The following ZBTB44 variants were observed in gnomAD, a reference collection of about 807,000 sequenced individuals.
ZBTB44 encodes the protein zinc finger and BTB domain-containing protein 44.
A neutral mutation model predicts 54.0 loss-of-function variants in ZBTB44; 15 were observed. The observed-to-expected ratio is 0.28, with a 90% CI of 0.19 to 0.43. The LOEUF (loss-of-function observed/expected upper bound fraction) is 0.43. ZBTB44 is among the 20% of genes least tolerant of loss of function. ZBTB44 has a pLI of 1.00. For missense variants in ZBTB44, 487 were observed against 707.1 expected, an observed-to-expected ratio of 0.69 and a Z score of 3.53; for synonymous variants, 230 against 250.1, an observed-to-expected ratio of 0.92 and a Z score of 0.76.
At chr11:130,238,400 T>C (rs773379376) in intron 4 of ZBTB44, 44 bp downstream of exon 4, 1 of 1,531,482 alleles carries the variant, frequency 6.5e-7, no homozygotes, top group East Asian at 2.4e-5. Context: ...AAATAAAATG[T>C]TTTAGAGCGT....
intron 2 of ZBTB44, among the ~76,000 whole-genome samples, chr11:130,248,754 G>T (rs1032922499): frequency 3.9e-5 from 6 of 152,074 alleles, no homozygotes; most frequent in Admixed American, 3.9e-4. Flanking sequence ...TAATATATAG[G>T]TAACAGATTC....
intron 1 of ZBTB44, among the ~76,000 whole-genome samples, chr11:130,302,213 G>A (rs1279799528): frequency 6.6e-6 from 1 of 152,072 alleles, no homozygotes; most frequent in Non-Finnish European, 1.5e-5. Context: ...TCATTTACCA[G>A]TGAGGAAAAG....
intron 1 of ZBTB44, chr11:130,296,864 T>C: frequency 2.7e-6 from 2 of 735,510 alleles, no homozygotes; most frequent in Non-Finnish European, 5.1e-6. Context: ...TAAATTTGCC[T>C]CAAGTTGCTC....
intron 7 of ZBTB44, 131 bp downstream of exon 7, chr11:130,233,177 T>C (rs1338764888): frequency 1.4e-5 from 17 of 1,234,130 alleles, no homozygotes; most frequent in Non-Finnish European, 1.8e-5. Flanking sequence ...AGAGAACATA[T>C]TGATGGGGCA....
rs140868332 is a variant in ZBTB44, at chr11:130,273,127, G to A, written c.-56-11198C>T. On this transcript the variant is annotated intron_variant, in intron 1 of 7. Transcript: ENST00000357899. ...GGAACTGCATTGAATTTATAGATTAGTTTGGAGAATACTGCTATCTTTACA... is the reference window on the plus strand; with the variant it reads ...GGAACTGCATTGAATTTATAGATTAATTTGGAGAATACTGCTATCTTTACA... Among the ~76,000 whole-genome samples the A allele has an allele frequency of 1.2e-3, 176 of 152,188 alleles. 1 individual carries two copies. The highest frequency in any genetic ancestry group is 4.1e-3 in the African/African-American group (170 of 41,520).
At chr11:130,263,187 C>T (rs1310063102) in intron 1 of ZBTB44, among the ~76,000 whole-genome samples, 1 of 152,186 alleles carries the variant, frequency 6.6e-6, no homozygotes. Context: ...GGTAAAGCTA[C>T]TGAAATAATT....
Position 130,256,998 on chromosome 11 carries a change from A to G in ZBTB44, c.1018+3858T>C, listed in dbSNP as rs150090493. 2.4e-3 allele frequency among the ~76,000 whole-genome samples: 368 copies of G among 152,200 alleles called. 2 individuals carry two copies. The Middle Eastern group carries it at 0.027, about 11-fold the overall frequency. On this transcript the variant is annotated intron_variant, in intron 2 of 7. Coordinates refer to ENST00000357899, the MANE Select transcript of ZBTB44 (RefSeq NM_001301098.2). ...AAGGTCAAATTGTCTCTGTTTGCAG[A>G]TGACATAATTGTATATTTAGAAAAC...
intron 1 of ZBTB44, chr11:130,285,981 G>C (rs868003014): frequency 2.6e-5 from 4 of 152,340 alleles, no homozygotes; most frequent in South Asian, 4.1e-4. Flanking sequence ...AACTGTTCTT[G>C]TTGGAATAAA....
chr11:130,269,427 G>C (rs1313167357), intron 1 of ZBTB44, among the ~76,000 whole-genome samples: 3 of 152,168 alleles, frequency 2.0e-5, no homozygotes, highest in Non-Finnish European at 2.9e-5. Context: ...TAGACTTTGT[G>C]CAGCATTTAC....
intron 2 of ZBTB44, among the ~76,000 whole-genome samples, chr11:130,245,364 C>T (rs1028082851): frequency 2.6e-5 from 4 of 152,166 alleles, no homozygotes; most frequent in African/African-American, 9.7e-5. Flanking sequence ...TTGTCAGTAT[C>T]TTCCCATTCT....
chr11:130,301,086 G>T (rs556004834), intron 1 of ZBTB44, among the ~76,000 whole-genome samples: 83 of 152,216 alleles, frequency 5.5e-4, no homozygotes, highest in African/African-American at 2.0e-3. Flanking sequence ...GGAAACGGGT[G>T]ATAACAGATG....
intron 2 of ZBTB44, among the ~76,000 whole-genome samples, chr11:130,251,314 G>A (rs1003396816): frequency 6.6e-6 from 1 of 152,120 alleles, no homozygotes; most frequent in African/African-American, 2.4e-5. Flanking sequence ...CCAAACCTAC[G>A]ATTGACTGAG....
intron 5 of ZBTB44, among the ~76,000 whole-genome samples, chr11:130,234,920 AAT>A (rs1954040303): frequency 6.6e-6 from 1 of 152,220 alleles, no homozygotes; most frequent in Admixed American, 6.5e-5. Flanking sequence ...TGGACAGTAA[AAT>A]ATACTAAAAA....
At chr11:130,295,388 G>A (rs541890596) in intron 1 of ZBTB44, among the ~76,000 whole-genome samples, 3 of 152,144 alleles carry the variant, frequency 2.0e-5, no homozygotes, top group African/African-American at 7.2e-5. Flanking sequence ...TCCCAATTCA[G>A]AATCAAAAGA....
intron 1 of ZBTB44, among the ~76,000 whole-genome samples, chr11:130,295,475 G>C (rs1018204328): frequency 7.9e-5 from 12 of 152,244 alleles, no homozygotes; most frequent in African/African-American, 2.9e-4. Context: ...AGAAGAAAGT[G>C]CCGAGACTCC....
chr11:130,308,932 G>A (rs1942429132), intron 1 of ZBTB44, among the ~76,000 whole-genome samples: 1 of 152,150 alleles, frequency 6.6e-6, no homozygotes, highest in South Asian at 2.1e-4. Context: ...ACAGCAAAAA[G>A]AAAAAGCAGA....
intron 2 of ZBTB44, among the ~76,000 whole-genome samples, chr11:130,257,846 T>C (rs1488323438): frequency 6.6e-6 from 1 of 152,188 alleles, no homozygotes; most frequent in Non-Finnish European, 1.5e-5. Context: ...TTCCCCAAGG[T>C]ATCCCCTTGG....
chr11:130,261,141 C>T lies in ZBTB44; in HGVS notation c.733G>A (p.Val245Ile). 1 of 1,614,008 alleles carries T rather than the reference C, an allele frequency of 6.2e-7. No individual in the cohort carries two copies. Among genetic ancestry groups the T allele is most frequent in the South Asian group, 1.1e-5 (1 of 91,082 alleles). ...GTCCGGGTATTTTCTGCTTGCTTAA[C>T]TTTCTCAGGCTGAATCCTTCGATCA... is the stretch of plus-strand genomic sequence containing the variant. ...GIDRRIQPEKVKQAENTRTLE... is the reference protein window; with the variant it reads ...GIDRRIQPEKIKQAENTRTLE... Residue 245 changes from valine to isoleucine, a missense_variant, in exon 2 of 8, where the codon GTT (valine) becomes ATT (isoleucine). Physicochemically the swap from Val to Ile is conservative, Grantham distance 29. Coordinates refer to ENST00000357899, the MANE Select transcript of ZBTB44 (RefSeq NM_001301098.2). This position sits in a 1 kb window ranked among gnomAD's most constrained non-coding sequence, Gnocchi z 4.8.
rs1591913110 is a variant in ZBTB44 at position 130,231,722 on chromosome 11, G to A, written c.*49-7C>T. On this transcript the variant is annotated splice_region_variant and splice_polypyrimidine_tract_variant and intron_variant, in intron 7 of 7. Coordinates refer to ENST00000357899, the MANE Select transcript of ZBTB44 (RefSeq NM_001301098.2). ...CAAAAACCACCTCTTGGAACTAAGG[G>A]TAACAATGATTCCTGGTCATAATTT... 6.6e-6 allele frequency: 1 copy of A among 151,846 alleles called. No individual in the cohort carries two copies. The allele number at this position is 151,846 out of a possible 1,614,324, so 9.4% of individuals were successfully genotyped here. A position where few individuals can be genotyped will look rare whatever the true frequency, so the allele number is the denominator to read the frequency against.
Sources: gnomAD v4.1 joint callset for allele counts (sites outside exome capture counted in the v4.1 genomes callset) on GRCh38, gnomAD v4.1.1 for gene constraint, Gnocchi (gnomAD v3.1) non-coding constraint, MANE v1.5 for transcripts, NCBI Gene and HGNC (gene_info 2026-07-23, HGNC 2026-07-21) for gene names.